The following SLC35F4 variants were observed in gnomAD, a reference collection of about 807,000 sequenced individuals.
SLC35F4 encodes chromosome 14 open reading frame 36.
SLC35F4 carries 24 observed loss-of-function variants against 44.2 expected under a neutral mutation model. The observed-to-expected ratio is 0.54, with a 90% CI of 0.39 to 0.76. The LOEUF (loss-of-function observed/expected upper bound fraction) is 0.76, where lower values mean the gene tolerates loss of function less well. SLC35F4 is among the 30% of genes least tolerant of loss of function. The pLI is 0.00. For synonymous variants in SLC35F4, 238 were observed against 223.6 expected, an observed-to-expected ratio of 1.06 and a Z score of -0.57; for missense variants, 562 against 586.1, an observed-to-expected ratio of 0.96 and a Z score of 0.42.
chr14:57,800,271 C>T (rs545383879), intron 1 of SLC35F4, among the ~76,000 whole-genome samples: 1 of 152,224 alleles, frequency 6.6e-6, no homozygotes, highest in African/African-American at 2.4e-5. Flanking sequence ...GCAGTCCCTG[C>T]AGTAGAGTGG....
At chr14:57,652,169 T>A (rs1483932762) in intron 1 of SLC35F4, among the ~76,000 whole-genome samples, 4 of 152,202 alleles carry the variant, frequency 2.6e-5, no homozygotes, top group African/African-American at 4.8e-5. Context: ...ACTTCATACA[T>A]AAGTATGGAA....
At chr14:57,829,723 G>A (rs551330090) in intron 1 of SLC35F4, among the ~76,000 whole-genome samples, 2 of 152,212 alleles carry the variant, frequency 1.3e-5, no homozygotes, top group Admixed American at 6.5e-5. Flanking sequence ...TACTGCAACA[G>A]GGGTTGTGGG....
rs1328739432 is a variant in SLC35F4 at position 57,865,786 on chromosome 14, C to T, written c.40G>A (p.Glu14Lys). ...CCGGTGATCCGCAGGATCCGGTCCT[C>T]GATAGTGGCCACCCCGTTGGGGGCC... ...KAAPNGVATI[E>K]DRILRITGYY... The change falls in exon 1 of 8, where the codon GAG becomes AAG. Residue 14 changes from glutamate to lysine, a missense_variant. Coordinates refer to ENST00000556826, the MANE Select transcript of SLC35F4 (RefSeq NM_001306087.2). The T allele has an allele frequency of 2.0e-6, 3 of 1,522,208 alleles. No individual in the cohort carries two copies. The highest frequency in any genetic ancestry group is 2.8e-5 in the African/African-American group (2 of 71,172). 94.3% of individuals were successfully genotyped at this position (1,522,208 alleles called of 1,614,324 possible).
At chr14:57,698,656 T>TTC (rs1555373776) in intron 1 of SLC35F4, among the ~76,000 whole-genome samples, 4 of 151,692 alleles carry the variant, frequency 2.6e-5, no homozygotes, top group Non-Finnish European at 4.4e-5. Context: ...TTTTTTTTTT[T>TTC]CAATGGAGTC....
intron 1 of SLC35F4, among the ~76,000 whole-genome samples, chr14:57,825,121 A>T (rs75838532): frequency 6.6e-6 from 1 of 151,894 alleles, no homozygotes; most frequent in African/African-American, 2.4e-5. Context: ...TGGAGGTGGG[A>T]TCTGTATGGA....
intron 1 of SLC35F4, among the ~76,000 whole-genome samples, chr14:57,840,267 T>C (rs2068171): frequency 0.17 from 25,556 of 152,164 alleles, 2,302 homozygotes; most frequent in Admixed American, 0.25. Flanking sequence ...CCATTAATTC[T>C]CTGAATATTT....
At chr14:57,726,425 C>T (rs1092031) in intron 1 of SLC35F4, among the ~76,000 whole-genome samples, 141,165 of 152,252 alleles carry the variant, frequency 0.93, 65,919 homozygotes, top group Non-Finnish European at 1. Flanking sequence ...ACAAGGACTG[C>T]AATTGTCATT....
intron 1 of SLC35F4, among the ~76,000 whole-genome samples, chr14:57,595,418 C>T (rs2070432409): frequency 6.6e-6 from 1 of 152,166 alleles, no homozygotes; most frequent in African/African-American, 2.4e-5. Flanking sequence ...GGTTTCTCCA[C>T]TGTCTTTTTT....
At chr14:57,699,614 G>T (rs971238810) in intron 1 of SLC35F4, among the ~76,000 whole-genome samples, 2 of 152,114 alleles carry the variant, frequency 1.3e-5, no homozygotes, top group African/African-American at 4.8e-5. Flanking sequence ...CACACCAAAT[G>T]TGCAATCTCT....
chr14:57,614,760 A>T (rs1054004286), intron 1 of SLC35F4, among the ~76,000 whole-genome samples: 7 of 152,172 alleles, frequency 4.6e-5, no homozygotes, highest in African/African-American at 1.7e-4. Context: ...ATGGGATTTC[A>T]AACTAGACAG....
At chr14:57,750,293 A>T (rs11851529) in intron 1 of SLC35F4, among the ~76,000 whole-genome samples, 25,824 of 152,116 alleles carry the variant, frequency 0.17, 2,856 homozygotes, top group African/African-American at 0.32. Flanking sequence ...AGTCATCTGT[A>T]GATGGATGCT....
chr14:57,733,017 T>C (rs558762555), intron 1 of SLC35F4, among the ~76,000 whole-genome samples: 2 of 152,184 alleles, frequency 1.3e-5, no homozygotes, highest in African/African-American at 2.4e-5. Flanking sequence ...GATTCATGTA[T>C]AAATGTGTAA....
At chr14:57,965,292 T>A (rs1890417383) in intron 1 of SLC35F4, among the ~76,000 whole-genome samples, 2 of 152,164 alleles carry the variant, frequency 1.3e-5, no homozygotes, top group Non-Finnish European at 2.9e-5. Flanking sequence ...CAGCCAGCAG[T>A]AGCAGGTTGA....
At chr14:57,736,200 G>A (rs1012465967) in intron 1 of SLC35F4, among the ~76,000 whole-genome samples, 29 of 152,176 alleles carry the variant, frequency 1.9e-4, no homozygotes, top group African/African-American at 3.4e-4. Flanking sequence ...CAATGCCTCT[G>A]GCTGTGGTCC....
intron 1 of SLC35F4, among the ~76,000 whole-genome samples, chr14:57,788,525 A>G (rs2077827431): frequency 6.6e-6 from 1 of 152,202 alleles, no homozygotes; most frequent in African/African-American, 2.4e-5. Context: ...CCATAAAATG[A>G]GTCTCAATAA....
chr14:57,867,331 G>C (rs1210057845), upstream of SLC35F4, among the ~76,000 whole-genome samples: 1 of 152,050 alleles, frequency 6.6e-6, no homozygotes, highest in Admixed American at 6.5e-5. Context: ...ATATGAAAAC[G>C]CAATATTAAA....
intron 1 of SLC35F4, among the ~76,000 whole-genome samples, chr14:57,946,506 ACT>A (rs1890033647): frequency 3.5e-5 from 4 of 113,868 alleles, no homozygotes; most frequent in Admixed American, 2.6e-4. Flanking sequence ...ACCGAGTCTC[ACT>A]CTGTCACCCA....
intron 2 of SLC35F4, among the ~76,000 whole-genome samples, chr14:57,590,226 C>CAAAAAAAAAAAA (rs55850524): frequency 4.0e-4 from 48 of 119,168 alleles, no homozygotes; most frequent in African/African-American, 1.4e-3. Flanking sequence ...CTTGTCTATG[C>CAAAAAAAAAAAA]AAAAAAAAAA....
chr14:57,798,931 C>A (rs2078120246), intron 1 of SLC35F4, among the ~76,000 whole-genome samples: 4 of 152,106 alleles, frequency 2.6e-5, no homozygotes. Context: ...ATCAGAGCAC[C>A]ACTCACGCTA....
Sources: allele counts gnomAD v4.1 joint callset (sites outside exome capture counted in the v4.1 genomes callset), GRCh38; gene constraint gnomAD v4.1.1; transcripts MANE v1.5; gene names NCBI Gene and HGNC (gene_info 2026-07-23, HGNC 2026-07-21).